C8A: variants seen among roughly 807,000 people sequenced by gnomAD.
C8A encodes the protein complement C8 alpha chain.
A neutral mutation model predicts 65.3 loss-of-function variants in C8A; 67 were observed. The observed-to-expected ratio is 1.03, with a 90% CI of 0.84 to 1.26. The LOEUF is 1.26. Among genes scored for constraint, C8A ranks in the 50% most tolerant of loss-of-function variants. The probability of loss-of-function intolerance (pLI) is 0.00; values close to 1 mark genes in which losing one functional copy is unlikely to be tolerated. For synonymous variants in C8A, 290 were observed against 259.4 expected (o/e 1.12, Z -1.13); for missense variants, 781 against 723.9 (o/e 1.08, Z -0.90).
At position 56,884,639 on chromosome 1, in the gene C8A, T is replaced by C. The variant is rs574798115; in HGVS notation, c.855+958T>C. Among the ~76,000 whole-genome samples, 3 of 152,324 alleles carry C rather than the reference T, an allele frequency of 2.0e-5. No individual in the cohort carries two copies. In the South Asian group the frequency reaches 6.2e-4, roughly 32 times the overall value. ...GTTAATATGGACTTTTCTAAAAGCA[T>C]GTGGACTCCTCTAACTTCCATCATC... On this transcript the variant is annotated intron_variant, in intron 6 of 10. Transcript: ENST00000361249.
Position 56,912,508 on chromosome 1 carries a change from G to A in C8A, c.1486G>A (p.Ala496Thr). ...GGACCAGTATCTGATGGAATTCAAT[G>A]CCTGCCGATGTGGGCCTTGCTTCAA... ...ALDQYLMEFN[A>T]CRCGPCFNNG... The change falls in exon 10 of 11, where the codon GCC (alanine) becomes ACC (threonine). Residue 496 changes from alanine (A) to threonine (T), a missense_variant. Physicochemically the swap from Ala to Thr is moderately conservative, Grantham distance 58. Coordinates refer to ENST00000361249, the MANE Select transcript of C8A (RefSeq NM_000562.3). The A allele has an allele frequency of 6.2e-7, 1 of 1,614,214 alleles. No individual in the cohort carries two copies. Among genetic ancestry groups the A allele is most frequent in the Non-Finnish European group, 8.5e-7 (1 of 1,180,032 alleles).
chr1:56,913,156 C>T (rs944664842), intron 10 of C8A, among the ~76,000 whole-genome samples: 1 of 152,186 alleles, frequency 6.6e-6, no homozygotes, highest in African/African-American at 2.4e-5. Flanking sequence ...CTCTATAACT[C>T]TGTTTCTCTT....
intron 3 of C8A, 100 bp from the exon 4 acceptor site, chr1:56,875,962 T>C (rs868411004): frequency 1.9e-5 from 27 of 1,445,214 alleles, no homozygotes; most frequent in Middle Eastern, 4.7e-4. Context: ...ATGGGACAGA[T>C]GGGAGGTTTA....
intron 7 of C8A, among the ~76,000 whole-genome samples, chr1:56,898,504 T>C (rs1167642661): frequency 1.3e-5 from 2 of 152,134 alleles, no homozygotes; most frequent in Admixed American, 1.3e-4. Context: ...ACCTGGAATT[T>C]TGCACCTCTC....
At chr1:56,916,424 AT>A (rs1644553149) in intron 10 of C8A, among the ~76,000 whole-genome samples, 4 of 152,190 alleles carry the variant, frequency 2.6e-5, no homozygotes, top group Admixed American at 2.6e-4. Context: ...GTCCCTGGGA[AT>A]TTTCCCAGTA....
In C8A at chr1:56,913,911, G is replaced by C. The variant is rs147121531; in HGVS notation, c.1603+1286G>C. ...ACCATTAGTCCCAGTTCACTCAGTG[G>C]GAGCCTGATACAGACGGCCCCACAG... On this transcript the variant is annotated intron_variant, in intron 10 of 10. Coordinates refer to ENST00000361249, the MANE Select transcript of C8A (RefSeq NM_000562.3). Among the ~76,000 whole-genome samples, 454 of 152,258 alleles carry C rather than the reference G, an allele frequency of 3.0e-3. 2 individuals are homozygous for C. The highest frequency in any genetic ancestry group is 0.014 in the Middle Eastern group (4 of 294).
chr1:56,885,835 C>T lies in C8A; in HGVS notation c.856-92C>T, dbSNP rs555772990. ...AAAATGCTGGGATTACAGGCATGAG[C>T]CACTGCACCCAGAGACCTTTTGCAT... On this transcript the variant is annotated intron_variant, in intron 6 of 10. Coordinates refer to ENST00000361249, the MANE Select transcript of C8A (RefSeq NM_000562.3). The T allele has an allele frequency of 9.4e-5, 146 of 1,559,818 alleles. 1 individual carries two copies. In the African/African-American group the frequency reaches 1.8e-3, roughly 19 times the overall value.
intron 7 of C8A, among the ~76,000 whole-genome samples, chr1:56,898,219 G>T (rs1481106886): frequency 6.6e-6 from 1 of 152,128 alleles, no homozygotes; most frequent in Non-Finnish European, 1.5e-5. Flanking sequence ...GAACAATCTT[G>T]GCTGGATTAT....
intron 1 of C8A, among the ~76,000 whole-genome samples, chr1:56,857,222 A>G (rs569400428): frequency 1.3e-5 from 2 of 151,984 alleles, no homozygotes; most frequent in East Asian, 3.9e-4. Context: ...GAATGTTGCA[A>G]TCTCCAACTG....
chr1:56,908,263 C>T (rs527603587), intron 9 of C8A, 150 bp downstream of exon 9: 1 of 942,948 alleles, frequency 1.1e-6, no homozygotes, highest in South Asian at 1.4e-5. Context: ...TTGTGCCTGA[C>T]TCCAGGGAGT....
intron 7 of C8A, among the ~76,000 whole-genome samples, chr1:56,902,993 C>A (rs907136572): frequency 6.6e-6 from 1 of 152,050 alleles, no homozygotes; most frequent in Non-Finnish European, 1.5e-5. Context: ...GTTTCATTAC[C>A]CTACTGAGTG....
Position 56,893,103 on chromosome 1 carries a change from C to CT in C8A, c.1096+6945dup, listed in dbSNP as rs920901809. On this transcript the variant is annotated intron_variant, in intron 7 of 10. Coordinates refer to ENST00000361249, the MANE Select transcript of C8A (RefSeq NM_000562.3). ...GAAAAAATTATTTTCCCTGAGATATCTTTTTTTTTAATCTAGGCTCTAACA... is the reference window on the plus strand; with the variant it reads ...GAAAAAATTATTTTCCCTGAGATATCTTTTTTTTTTAATCTAGGCTCTAACA... Among the ~76,000 whole-genome samples the CT allele has an allele frequency of 4.0e-4, 60 of 151,394 alleles. 1 individual carries two copies. Among genetic ancestry groups the CT allele is most frequent in the South Asian group, 6.3e-4 (3 of 4,768 alleles).
intron 9 of C8A, 100 bp downstream of exon 9, chr1:56,908,213 C>A: frequency 7.4e-7 from 1 of 1,355,940 alleles, no homozygotes; most frequent in Non-Finnish European, 1.0e-6. Context: ...CATCAAAGAA[C>A]AAGATTAAAT....
At position 56,881,474 on chromosome 1, in the gene C8A, A is replaced by G. The variant is rs770733811; in HGVS notation, c.494A>G (p.Gln165Arg). The G allele has an allele frequency of 2.5e-6, 4 of 1,613,770 alleles. No homozygotes were observed. The South Asian group carries it at 4.4e-5, about 18-fold the overall frequency. The change falls in exon 5 of 11, where the codon CAG becomes CGG. Residue 165 changes from glutamine to arginine, a missense_variant. Gln to Arg is a conservative substitution (Grantham distance 43). Transcript: ENST00000361249. ...AATATCCTGACCCAGGAAGATGCTC[A>G]GAGTGTGTACGATGCCAGTTATTAT... ...GYNILTQEDA[Q>R]SVYDASYYGG...
chr1:56,870,485 CCTT>C (rs1055775855), intron 2 of C8A, among the ~76,000 whole-genome samples: 4 of 152,174 alleles, frequency 2.6e-5, no homozygotes, highest in East Asian at 2.0e-4. Flanking sequence ...TCTCTCTCTG[CCTT>C]CTTCTTACAA....
intron 7 of C8A, among the ~76,000 whole-genome samples, chr1:56,905,146 A>C (rs1480937544): frequency 6.6e-6 from 1 of 152,250 alleles, no homozygotes; most frequent in Non-Finnish European, 1.5e-5. Flanking sequence ...ATGGCAGAAG[A>C]AGCCCTTTGC....
intron 7 of C8A, among the ~76,000 whole-genome samples, chr1:56,902,656 CCCCCAGCCCCTGGCAACAA>C (rs1473092240): frequency 2.0e-5 from 3 of 152,064 alleles, no homozygotes; most frequent in African/African-American, 7.2e-5. Context: ...TTTCCTCTTG[CCCCCAGCCCCTGGCAACAA>C]CCATGATACC....
Position 56,875,021 on chromosome 1 carries a change from G to A in C8A, c.244G>A (p.Ala82Thr), listed in dbSNP as rs1644184598. Residue 82 changes from alanine to threonine, a missense_variant, in exon 3 of 11, where the codon GCC (alanine) becomes ACC (threonine). Ala to Thr is a moderately conservative substitution (Grantham distance 58). Transcript: ENST00000361249. ...TICSGDIWDQASCSSSTTCVR... is the reference protein window; with the variant it reads ...TICSGDIWDQTSCSSSTTCVR... Reference sequence around the variant, plus strand: ...CTGCAGTGGTGACATCTGGGATCAAGCCAGCTGCTCCAGTTCTACAACTTG... The same window carrying A: ...CTGCAGTGGTGACATCTGGGATCAAACCAGCTGCTCCAGTTCTACAACTTG... 1 of 1,613,654 alleles carries A rather than the reference G, an allele frequency of 6.2e-7. No homozygotes were observed. Among genetic ancestry groups the A allele is most frequent in the African/African-American group, 1.3e-5 (1 of 74,916 alleles).
intron 7 of C8A, among the ~76,000 whole-genome samples, chr1:56,897,234 G>T (rs1164950468): frequency 1.3e-5 from 2 of 152,078 alleles, no homozygotes; most frequent in Non-Finnish European, 1.5e-5. Flanking sequence ...CATTGATTGG[G>T]AATTGTAACT....
Sources: allele counts gnomAD v4.1 joint callset (sites outside exome capture counted in the v4.1 genomes callset), GRCh38; gene constraint gnomAD v4.1.1; transcripts MANE v1.5; gene names NCBI Gene and HGNC (gene_info 2026-07-23, HGNC 2026-07-21).